Variants in SYNE1 observed in about 807,000 individuals in gnomAD.
SYNE1 encodes spectrin repeat containing nuclear envelope protein 1.
SYNE1 carries 616 observed loss-of-function variants against 1,111.0 expected under a neutral mutation model. The observed-to-expected ratio is 0.55, with a 90% CI of 0.52 to 0.59. SYNE1 has a LOEUF of 0.59. SYNE1 is among the 20% of genes least tolerant of loss of function. The probability of loss-of-function intolerance (pLI) is 0.00; values close to 1 mark genes in which losing one functional copy is unlikely to be tolerated. For missense variants in SYNE1, 10,006 were observed against 10,417.0 expected, an observed-to-expected ratio of 0.96 and a Z score of 1.72; for synonymous variants, 3,855 against 3,825.8, an observed-to-expected ratio of 1.01 and a Z score of -0.28.
chr6:152,413,985 AATATATATAT>A (rs3046241), intron 41 of SYNE1, among the ~76,000 whole-genome samples: 7 of 145,554 alleles, frequency 4.8e-5, no homozygotes, highest in African/African-American at 1.0e-4. Flanking sequence ...AGCTCTGCAG[AATATATATAT>A]ATATATATAT....
chr6:152,339,401 A>C, intron 74 of SYNE1, 35 bp from the exon 75 acceptor site: 2 of 1,611,132 alleles, frequency 1.2e-6, no homozygotes, highest in Middle Eastern at 1.7e-4. Context: ...AAAGAGATGC[A>C]TCAGCTATTT....
chr6:152,206,702 T>C (rs1179304705), intron 125 of SYNE1, among the ~76,000 whole-genome samples: 1 of 151,994 alleles, frequency 6.6e-6, no homozygotes, highest in African/African-American at 2.4e-5. Context: ...TTGCGAGACA[T>C]GAACTTCACC....
At chr6:152,334,348 A>G in intron 76 of SYNE1, 75 bp from the exon 77 acceptor site, 2 of 1,536,060 alleles carry the variant, frequency 1.3e-6, no homozygotes, top group East Asian at 2.3e-5. Context: ...CAACACAGAC[A>G]TAAGACCTTT....
intron 3 of SYNE1, among the ~76,000 whole-genome samples, chr6:152,551,761 A>G (rs2099347790): frequency 6.6e-6 from 1 of 152,202 alleles, no homozygotes; most frequent in Non-Finnish European, 1.5e-5. Context: ...TTCCTACTGA[A>G]TTACATATAA....
At position 152,330,571 on chromosome 6, in the gene SYNE1, G is replaced by T. The variant is rs2096224048; in HGVS notation, c.14114C>A (p.Ala4705Asp). 1.2e-6 allele frequency: 2 copies of T among 1,613,836 alleles called. No homozygotes were observed. Among genetic ancestry groups the T allele is most frequent in the Non-Finnish European group, 8.5e-7 (1 of 1,180,020 alleles). The change falls in exon 78 of 146, where the codon GCC (alanine) becomes GAC (aspartate). Residue 4705 changes from alanine (A) to aspartate (D), a missense_variant. Ala to Asp is a moderately radical substitution (Grantham distance 126). This residue lies in a region of SYNE1 where 4,955 missense variants were observed against 5,017.2 expected (regional missense o/e 0.99). Coordinates refer to ENST00000367255, the MANE Select transcript of SYNE1 (RefSeq NM_182961.4). ...TTGCAGAGAAAGAGCCTCCTCAACG[G>T]CCAGGTCGGTGGGAACTTTGCTCAT... ...LRMSKVPTDL[A>D]VEEALSLQDG...
At chr6:152,135,069 A>C in intron 142 of SYNE1, 35 bp downstream of exon 142, 3 of 1,614,002 alleles carry the variant, frequency 1.9e-6, no homozygotes, top group Non-Finnish European at 2.5e-6. Flanking sequence ...CCCTGCTAAA[A>C]ATAACTGGAG....
chr6:152,514,637 A>AT (rs1309350922), intron 6 of SYNE1, among the ~76,000 whole-genome samples: 2 of 151,370 alleles, frequency 1.3e-5, no homozygotes, highest in African/African-American at 4.9e-5. Context: ...TAAAAAAATA[A>AT]TAAAAAAAAA....
At chr6:152,474,351 C>A (rs1205582821) in intron 14 of SYNE1, among the ~76,000 whole-genome samples, 2 of 152,104 alleles carry the variant, frequency 1.3e-5, no homozygotes, top group African/African-American at 4.8e-5. Context: ...CTTAGTAAAA[C>A]ATGACCCAAA....
Position 152,352,084 on chromosome 6 carries a change from A to G in SYNE1, c.11523T>C (p.Val3841=). The G allele has an allele frequency of 6.2e-7, 1 of 1,614,188 alleles. No individual in the cohort carries two copies. The highest frequency in any genetic ancestry group is 1.3e-5 in the African/African-American group (1 of 75,054). Residue 3841 remains valine (V), a synonymous_variant, in exon 70 of 146, where the codon GTT becomes GTC. Transcript: ENST00000367255. ...ATAATTCCATTTTGGGTTCTTCAGG[A>G]ACATGTAGAATTTCCTGGTATTCTG... ...WIAEYQEILH[V]PEEPKMELYE...
intron 95 of SYNE1, among the ~76,000 whole-genome samples, chr6:152,292,022 C>T (rs941234151): frequency 1.3e-5 from 2 of 152,116 alleles, no homozygotes; most frequent in Non-Finnish European, 2.9e-5. Flanking sequence ...CAGGGAACAG[C>T]TGGACAGACA....
At chr6:152,309,510 T>C (rs1016247067) in intron 90 of SYNE1, among the ~76,000 whole-genome samples, 1 of 152,204 alleles carries the variant, frequency 6.6e-6, no homozygotes, top group Non-Finnish European at 1.5e-5. Context: ...AGTAAACCTG[T>C]ATTATCAGTT....
rs749760625 is a variant in SYNE1 at position 152,390,358 on chromosome 6, T to C, written c.8099A>G (p.Gln2700Arg). 8 of 1,614,190 alleles carry C rather than the reference T, an allele frequency of 5.0e-6. No homozygotes were observed. In the South Asian group the frequency reaches 8.8e-5, roughly 18 times the overall value. The change falls in exon 53 of 146, where the codon CAG (glutamine) becomes CGG (arginine). Residue 2700 changes from glutamine (Q) to arginine (R), a missense_variant. Gln to Arg is a conservative substitution (Grantham distance 43). Transcript: ENST00000367255. ...CTCTAACTGAGTCTGAATCACCCTC[T>C]GACCTTCTTTGTTGCTACTTCTCAA... ...QALRSSNKEG[Q>R]RVIQTQLETL...
At chr6:152,192,790 G>C (rs1357915840) in intron 127 of SYNE1, among the ~76,000 whole-genome samples, 1 of 151,998 alleles carries the variant, frequency 6.6e-6, no homozygotes, top group Non-Finnish European at 1.5e-5. Flanking sequence ...TCCTCTGGCT[G>C]AATTAACCCC....
rs1204017942 is a variant in SYNE1 at position 152,308,543 on chromosome 6, T to A, written c.17292A>T (p.Lys5764Asn). Residue 5764 changes from lysine to asparagine, a missense_variant, in exon 91 of 146, where the codon AAA becomes AAT. Physicochemically the swap from Lys to Asn is moderately conservative, Grantham distance 94. Transcript: ENST00000367255. Reference protein sequence around the residue: ...IEGAHREIEDKPVATSNIQEL... With the variant: ...IEGAHREIEDNPVATSNIQEL... Reference sequence around the variant, plus strand: ...CCTGTATGTTACTGGTGGCAACAGGTTTATCCTCAATCTCTCTGTGAGCTC... The same window carrying A: ...CCTGTATGTTACTGGTGGCAACAGGATTATCCTCAATCTCTCTGTGAGCTC... 4.3e-6 allele frequency: 7 copies of A among 1,614,070 alleles called. No individual in the cohort carries two copies. The highest frequency in any genetic ancestry group is 5.9e-6 in the Non-Finnish European group (7 of 1,180,018).
chr6:152,520,545 G>A lies in SYNE1; in HGVS notation c.226-3C>T, dbSNP rs917677333. 2 of 1,613,544 alleles carry A rather than the reference G, an allele frequency of 1.2e-6. No homozygotes were observed. Among genetic ancestry groups the A allele is most frequent in the Non-Finnish European group, 1.7e-6 (2 of 1,179,620 alleles). On this transcript the variant is annotated splice_region_variant and splice_polypyrimidine_tract_variant and intron_variant, in intron 5 of 145. Transcript: ENST00000367255. ...ATCCGGCGTCCTTGTTCACAAGGCT[G>A]TAAAAAGTGGGGTAAAAAAGGGAAT...
intron 128 of SYNE1, among the ~76,000 whole-genome samples, chr6:152,182,132 T>C (rs974007702): frequency 2.6e-5 from 4 of 152,234 alleles, no homozygotes; most frequent in African/African-American, 4.8e-5. Flanking sequence ...GAGTTTCTTA[T>C]ACATTATATA....
At chr6:152,202,087 G>A (rs141703984) in intron 126 of SYNE1, 138 bp from the exon 127 acceptor site, 58 of 1,157,326 alleles carry the variant, frequency 5.0e-5, no homozygotes, top group Admixed American at 1.3e-4. Flanking sequence ...TGGCTCACGC[G>A]TGTAATCCCA....
chr6:152,293,134 G>T (rs984579196), intron 95 of SYNE1, among the ~76,000 whole-genome samples: 5 of 152,140 alleles, frequency 3.3e-5, no homozygotes, highest in African/African-American at 1.2e-4. Context: ...TAGAACTTAT[G>T]AAGTCTGAGA....
intron 132 of SYNE1, 150 bp from the exon 133 acceptor site, chr6:152,155,192 A>T (rs1482303548): frequency 4.9e-6 from 4 of 811,338 alleles, no homozygotes; most frequent in Non-Finnish European, 7.9e-6. Context: ...ATTTGACCAG[A>T]GAGCAAGAGA....
Sources: gnomAD v4.1 joint callset for allele counts (sites outside exome capture counted in the v4.1 genomes callset) on GRCh38, gnomAD v4.1.1 for gene constraint, gnomAD v4.1.1 regional missense constraint, MANE v1.5 for transcripts, NCBI Gene and HGNC (gene_info 2026-07-23, HGNC 2026-07-21) for gene names.